The following CNTNAP2 variants were observed in gnomAD, a reference collection of about 807,000 sequenced individuals.
The protein encoded by CNTNAP2 is contactin-associated protein-like 2.
CNTNAP2 carries 98 observed loss-of-function variants against 155.2 expected under a neutral mutation model. The observed-to-expected ratio is 0.63, with a 90% CI of 0.54 to 0.75. The LOEUF (loss-of-function observed/expected upper bound fraction) is 0.75, where lower values mean the gene tolerates loss of function less well. Ranked by LOEUF, CNTNAP2 falls within the 30% of genes least tolerant of loss-of-function variation. The pLI is 0.00. For synonymous variants in CNTNAP2, 651 were observed against 631.2 expected (o/e 1.03, Z -0.47); for missense variants, 1,727 against 1,688.1 (o/e 1.02, Z -0.40).
intron 3 of CNTNAP2, among the ~76,000 whole-genome samples, chr7:146,901,498 A>C (rs1435119220): frequency 6.6e-6 from 1 of 152,232 alleles, no homozygotes; most frequent in Non-Finnish European, 1.5e-5. Flanking sequence ...GGAACATGCA[A>C]TATATGTCCT....
chr7:148,025,132 ATAGT>A (rs1308024302), intron 15 of CNTNAP2, among the ~76,000 whole-genome samples: 1 of 152,220 alleles, frequency 6.6e-6, no homozygotes, highest in Non-Finnish European at 1.5e-5. Context: ...AGATATATGC[ATAGT>A]TAAACAATAA....
intron 21 of CNTNAP2, among the ~76,000 whole-genome samples, chr7:148,295,720 T>C (rs10464471): frequency 0.54 from 82,424 of 151,300 alleles, 24,194 homozygotes; most frequent in East Asian, 0.78. Flanking sequence ...CTCCATCTCC[T>C]GACCTCGTGA....
intron 9 of CNTNAP2, among the ~76,000 whole-genome samples, chr7:147,321,481 A>G (rs935664393): frequency 7.9e-5 from 12 of 151,850 alleles, no homozygotes; most frequent in African/African-American, 2.4e-4. Context: ...TGAATTAGGG[A>G]TTTTCCATCA....
At chr7:146,974,882 C>T (rs947279563) in intron 3 of CNTNAP2, among the ~76,000 whole-genome samples, 1 of 151,650 alleles carries the variant, frequency 6.6e-6, no homozygotes, top group African/African-American at 2.4e-5. Context: ...ACCCGTAATC[C>T]CAGCTACCTG....
chr7:146,825,697 C>G lies in CNTNAP2; in HGVS notation c.209-14014C>G, dbSNP rs142367315. Among the ~76,000 whole-genome samples, 1,090 of 152,222 alleles carry G rather than the reference C, an allele frequency of 7.2e-3. 16 individuals are homozygous for G. Among genetic ancestry groups the G allele is most frequent in the African/African-American group, 0.025 (1,034 of 41,556 alleles). ...AAGCAATTTTCCACTTACTGCAAGT[C>G]AGAGCAATATCTGTCTCAATTGTCA... On this transcript the variant is annotated intron_variant, in intron 2 of 23. Transcript: ENST00000361727.
At chr7:148,046,593 G>A (rs1049024952) in intron 15 of CNTNAP2, among the ~76,000 whole-genome samples, 2 of 152,244 alleles carry the variant, frequency 1.3e-5, no homozygotes, top group East Asian at 3.9e-4. Flanking sequence ...GCTAGTGTAG[G>A]TGGCTATATC....
intron 19 of CNTNAP2, among the ~76,000 whole-genome samples, chr7:148,223,579 C>A (rs749649340): frequency 2.0e-5 from 3 of 152,186 alleles, no homozygotes; most frequent in Non-Finnish European, 4.4e-5. Context: ...TGGACAAATA[C>A]TAGCATTCTT....
chr7:147,096,733 A>G (rs1800543552), intron 4 of CNTNAP2, among the ~76,000 whole-genome samples: 1 of 152,234 alleles, frequency 6.6e-6, no homozygotes, highest in African/African-American at 2.4e-5. Context: ...ATTTATGAAA[A>G]TAAATTAATT....
At chr7:146,131,140 A>C (rs1384231846) in intron 1 of CNTNAP2, among the ~76,000 whole-genome samples, 1 of 152,150 alleles carries the variant, frequency 6.6e-6, no homozygotes, top group African/African-American at 2.4e-5. Context: ...AACATTTACA[A>C]TATATTTGTA....
chr7:146,735,309 T>C (rs1429297658), intron 1 of CNTNAP2, among the ~76,000 whole-genome samples: 1 of 152,120 alleles, frequency 6.6e-6, no homozygotes, highest in Admixed American at 6.5e-5. Context: ...TCCCGGCACT[T>C]TGGGAGGCCG....
At chr7:146,925,378 G>A (rs780841303) in intron 3 of CNTNAP2, among the ~76,000 whole-genome samples, 1 of 152,004 alleles carries the variant, frequency 6.6e-6, no homozygotes, top group Admixed American at 6.6e-5. Context: ...TTATTAAGAA[G>A]AGCAAGGTGA....
intron 1 of CNTNAP2, among the ~76,000 whole-genome samples, chr7:146,137,162 A>C (rs1797809756): frequency 6.6e-6 from 1 of 152,150 alleles, no homozygotes; most frequent in Non-Finnish European, 1.5e-5. Context: ...ATAAAAACAG[A>C]ACTAATATAC....
chr7:146,123,619 C>G (rs1797594214), intron 1 of CNTNAP2, among the ~76,000 whole-genome samples: 1 of 151,986 alleles, frequency 6.6e-6, no homozygotes, highest in Admixed American at 6.6e-5. Context: ...GAAAATCTTG[C>G]CTGGACTCAC....
At chr7:147,683,323 C>T (rs1176853650) in intron 13 of CNTNAP2, among the ~76,000 whole-genome samples, 1 of 151,762 alleles carries the variant, frequency 6.6e-6, no homozygotes, top group African/African-American at 2.4e-5. Context: ...GAAACTGCAG[C>T]CTTTGCAATC....
At chr7:147,744,299 A>C (rs1917617) in intron 13 of CNTNAP2, among the ~76,000 whole-genome samples, 1 of 152,040 alleles carries the variant, frequency 6.6e-6, no homozygotes, top group Non-Finnish European at 1.5e-5. Context: ...GAACATTTAA[A>C]ATTAATTCAA....
intron 1 of CNTNAP2, among the ~76,000 whole-genome samples, chr7:146,670,255 C>T (rs1369359171): frequency 6.6e-6 from 1 of 152,150 alleles, no homozygotes; most frequent in South Asian, 2.1e-4. Flanking sequence ...ACTGCTTGGA[C>T]CAACCCCATC....
At chr7:147,796,524 G>A (rs1797897226) in intron 13 of CNTNAP2, among the ~76,000 whole-genome samples, 1 of 151,816 alleles carries the variant, frequency 6.6e-6, no homozygotes, top group African/African-American at 2.4e-5. Flanking sequence ...CAACAGAGCA[G>A]TAGAAGACAT....
chr7:147,906,747 A>G (rs1217814206), intron 14 of CNTNAP2, among the ~76,000 whole-genome samples: 1 of 152,236 alleles, frequency 6.6e-6, no homozygotes, highest in Non-Finnish European at 1.5e-5. Flanking sequence ...GGCGTGAGCC[A>G]CGGCGCCCAG....
intron 13 of CNTNAP2, among the ~76,000 whole-genome samples, chr7:147,701,912 A>G (rs1320283975): frequency 6.6e-6 from 1 of 152,152 alleles, no homozygotes; most frequent in African/African-American, 2.4e-5. Context: ...GAGACACAGT[A>G]TACCTAAGTT....
Sources: allele counts gnomAD v4.1 joint callset (sites outside exome capture counted in the v4.1 genomes callset), GRCh38; gene constraint gnomAD v4.1.1; transcripts MANE v1.5; gene names NCBI Gene and HGNC (gene_info 2026-07-23, HGNC 2026-07-21).